The following ARHGAP24 variants were observed in gnomAD, a reference collection of about 807,000 sequenced individuals.
The protein encoded by ARHGAP24 is rho GTPase-activating protein 24.
In ARHGAP24, 50 loss-of-function variants were observed where a neutral mutation model predicts 76.4. That is an observed-to-expected ratio of 0.65 (90% CI 0.52 to 0.83). The LOEUF (loss-of-function observed/expected upper bound fraction) is 0.83. ARHGAP24 is among the 40% of genes least tolerant of loss of function. The pLI is 0.00. For synonymous variants in ARHGAP24, 345 were observed against 323.3 expected, an observed-to-expected ratio of 1.07 and a Z score of -0.72; for missense variants, 930 against 914.2, an observed-to-expected ratio of 1.02 and a Z score of -0.22.
chr4:85,550,126 G>T (rs181481791), intron 1 of ARHGAP24, among the ~76,000 whole-genome samples: 1 of 152,102 alleles, frequency 6.6e-6, no homozygotes, highest in African/African-American at 2.4e-5. Flanking sequence ...CTCAATAATG[G>T]GATTGCTGTA....
intron 3 of ARHGAP24, among the ~76,000 whole-genome samples, chr4:85,734,248 T>A (rs1033632238): frequency 4.6e-5 from 7 of 152,258 alleles, no homozygotes; most frequent in Admixed American, 6.5e-5. Flanking sequence ...GACCTTGGAT[T>A]TAAAACTCTC....
At chr4:85,871,931 G>A (rs1330938523) in intron 3 of ARHGAP24, among the ~76,000 whole-genome samples, 2 of 151,628 alleles carry the variant, frequency 1.3e-5, no homozygotes, top group Non-Finnish European at 1.5e-5. Context: ...AGAAGAAATG[G>A]TTTTCATTTA....
chr4:85,745,062 T>C (rs1041493335), intron 3 of ARHGAP24, among the ~76,000 whole-genome samples: 3 of 152,040 alleles, frequency 2.0e-5, no homozygotes, highest in African/African-American at 4.8e-5. Flanking sequence ...TAAAGCAAGG[T>C]GCTTTCATCC....
intron 2 of ARHGAP24, among the ~76,000 whole-genome samples, chr4:85,702,931 G>C (rs546599817): frequency 1.3e-5 from 2 of 151,754 alleles, no homozygotes; most frequent in East Asian, 3.9e-4. Context: ...GCTCTTTGTG[G>C]CCAGCTGTGA....
At chr4:85,524,290 A>G (rs996217772) in intron 1 of ARHGAP24, among the ~76,000 whole-genome samples, 1 of 152,078 alleles carries the variant, frequency 6.6e-6, no homozygotes, top group African/African-American at 2.4e-5. Context: ...TAAGCATCCA[A>G]TATTTAATAA....
rs1740995543 is a variant in ARHGAP24 at position 86,001,136 on chromosome 4, T to G, written c.*414T>G. 1 of 371,632 alleles carries G rather than the reference T, an allele frequency of 2.7e-6. No homozygotes were observed. Among genetic ancestry groups the G allele is most frequent in the Non-Finnish European group, 4.6e-6 (1 of 218,004 alleles). The allele number at this position is 371,632 out of a possible 1,614,324, so 23.0% of individuals were successfully genotyped here. ...TCGGCTTATTTTATAGATCAATATT[T>G]TTATTTCCCTTTTTTGCTGAGGAAA... On this transcript the variant is annotated 3_prime_UTR_variant, in exon 10 of 10. Transcript: ENST00000395184.
At chr4:85,748,146 C>T (rs769056471) in intron 3 of ARHGAP24, among the ~76,000 whole-genome samples, 4 of 152,230 alleles carry the variant, frequency 2.6e-5, no homozygotes, top group Non-Finnish European at 5.9e-5. Context: ...GGAAAGACTT[C>T]AAGTGCTTTT....
At chr4:85,648,087 G>A (rs1367769252) in intron 2 of ARHGAP24, among the ~76,000 whole-genome samples, 1 of 152,098 alleles carries the variant, frequency 6.6e-6, no homozygotes, top group African/African-American at 2.4e-5. Context: ...AGTTCATGCT[G>A]ACTTATTCAC....
Position 85,824,914 on chromosome 4 carries a change from AC to A in ARHGAP24, c.269-98731del, listed in dbSNP as rs1729641496. ...AGACCAGCCTTGCCAACATGGAGAA[AC>A]CCTGTCTCTACTAAAAATATAAAAA... On this transcript the variant is annotated intron_variant, in intron 3 of 9. Coordinates refer to ENST00000395184, the MANE Select transcript of ARHGAP24 (RefSeq NM_001025616.3). 5.9e-5 allele frequency among the ~76,000 whole-genome samples: 9 copies of A among 152,040 alleles called. No homozygotes were observed. In the South Asian group the frequency reaches 1.9e-3, roughly 32 times the overall value.
intron 3 of ARHGAP24, among the ~76,000 whole-genome samples, chr4:85,914,713 C>T (rs143128580): frequency 1.3e-5 from 2 of 152,236 alleles, no homozygotes; most frequent in African/African-American, 4.8e-5. Flanking sequence ...TCAACCATAC[C>T]GTTAGAGGAC....
At chr4:85,886,138 C>T (rs1034078118) in intron 3 of ARHGAP24, among the ~76,000 whole-genome samples, 1 of 152,056 alleles carries the variant, frequency 6.6e-6, no homozygotes, top group African/African-American at 2.4e-5. Context: ...AATTCATTAT[C>T]TGAGGGCCCA....
At chr4:85,781,925 T>C (rs1727575214) in intron 3 of ARHGAP24, among the ~76,000 whole-genome samples, 1 of 151,234 alleles carries the variant, frequency 6.6e-6, no homozygotes, top group Non-Finnish European at 1.5e-5. Flanking sequence ...TAATCCCAGC[T>C]ACCCGGGAGG....
chr4:85,780,873 C>A (rs1560629375), intron 3 of ARHGAP24, among the ~76,000 whole-genome samples: 1 of 152,218 alleles, frequency 6.6e-6, no homozygotes, highest in African/African-American at 2.4e-5. Context: ...TGTGTTACTG[C>A]ATCTTATACA....
chr4:85,843,908 G>C (rs991674726), intron 3 of ARHGAP24, among the ~76,000 whole-genome samples: 6 of 152,038 alleles, frequency 3.9e-5, no homozygotes, highest in Non-Finnish European at 7.4e-5. Context: ...ACAGCTAAAT[G>C]TATAAAATTT....
intron 2 of ARHGAP24, among the ~76,000 whole-genome samples, chr4:85,631,030 C>T (rs1006502854): frequency 2.0e-5 from 3 of 151,952 alleles, no homozygotes; most frequent in East Asian, 1.9e-4. Flanking sequence ...CACACATTCT[C>T]TCTCTCACAG....
chr4:85,930,661 T>G, intron 4 of ARHGAP24: 2 of 1,123,512 alleles, frequency 1.8e-6, no homozygotes, highest in Non-Finnish European at 2.2e-6. Context: ...TTTTGGAATG[T>G]CTGCAGAAAC....
At chr4:85,702,550 G>A (rs1338129486) in intron 2 of ARHGAP24, among the ~76,000 whole-genome samples, 1 of 151,924 alleles carries the variant, frequency 6.6e-6, no homozygotes, top group African/African-American at 2.4e-5. Context: ...AGGCTCTAAA[G>A]TATTATAAGA....
chr4:85,663,061 A>G (rs561328645), intron 2 of ARHGAP24, among the ~76,000 whole-genome samples: 5 of 152,118 alleles, frequency 3.3e-5, no homozygotes, highest in Admixed American at 1.3e-4. Flanking sequence ...AAAGAAAGTC[A>G]TTGGTAGCTT....
At position 85,733,060 on chromosome 4, in the gene ARHGAP24, C is replaced by CTTTTTTTTT. The variant is rs1210109366; in HGVS notation, c.268+11101_268+11109dup. On this transcript the variant is annotated intron_variant, in intron 3 of 9. Transcript: ENST00000395184. ...CTATAGATCTTATAGGCCTCACCAA[C>CTTTTTTTTT]TTTTTTTTTTTTTTTTTTTTTGAGA... 2.5e-3 allele frequency among the ~76,000 whole-genome samples: 136 copies of CTTTTTTTTT among 55,208 alleles called. 43 individuals carry two copies. The highest frequency in any genetic ancestry group is 5.0e-3 in the African/African-American group (78 of 15,664). 36.2% of individuals were successfully genotyped at this position (55,208 alleles called of 152,430 possible). A position where few individuals can be genotyped will look rare whatever the true frequency, so the allele number is the denominator to read the frequency against.
Sources: allele counts gnomAD v4.1 joint callset (sites outside exome capture counted in the v4.1 genomes callset), GRCh38; gene constraint gnomAD v4.1.1; transcripts MANE v1.5; gene names NCBI Gene and HGNC (gene_info 2026-07-23, HGNC 2026-07-21).